Variants in C2orf42 observed in about 807,000 individuals in gnomAD.
C2orf42 encodes uncharacterized protein C2orf42.
A neutral mutation model predicts 58.9 loss-of-function variants in C2orf42; 44 were observed. The ratio of observed to expected loss-of-function variants is 0.75; its 90% CI spans 0.59 to 0.96. The LOEUF (loss-of-function observed/expected upper bound fraction) is 0.96. Ranked by LOEUF, C2orf42 falls within the 40% of genes least tolerant of loss-of-function variation. C2orf42 has a pLI of 0.00. For missense variants in C2orf42, 630 were observed against 699.2 expected, an observed-to-expected ratio of 0.90 and a Z score of 1.12; for synonymous variants, 239 against 265.4, an observed-to-expected ratio of 0.90 and a Z score of 0.97.
At chr2:70,179,494 AAAGAC>A in intron 4 of C2orf42, 33 bp downstream of exon 4, 1 of 778,932 alleles carries the variant, frequency 1.3e-6, no homozygotes, top group Non-Finnish European at 2.2e-6. Context: ...AACAATCTCT[AAAGAC>A]AATACCACCA....
chr2:70,165,523 T>C lies in C2orf42; in HGVS notation c.1252+5A>G, dbSNP rs1673339826. ...CCATCACTATACCAAAGGGAAATCC[T>C]GTACCTGTGGTGGAGTTGGGGAGCC... On this transcript the variant is annotated splice_donor_5th_base_variant and intron_variant, in intron 7 of 9. Transcript: ENST00000264434. 2 of 1,484,406 alleles carry C rather than the reference T, an allele frequency of 1.3e-6. No individual in the cohort carries two copies. The highest frequency in any genetic ancestry group is 1.9e-6 in the Non-Finnish European group (2 of 1,061,786). The allele number at this position is 1,484,406 out of a possible 1,614,324, so 92.0% of individuals were successfully genotyped here.
chr2:70,162,198 A>T (rs1446001390), intron 8 of C2orf42, among the ~76,000 whole-genome samples: 1 of 151,588 alleles, frequency 6.6e-6, no homozygotes, highest in Non-Finnish European at 1.5e-5. Flanking sequence ...TCTAGTAGAG[A>T]CGGGTTTTCA....
chr2:70,157,439 C>T (rs540481501), intron 9 of C2orf42, among the ~76,000 whole-genome samples: 1 of 145,776 alleles, frequency 6.9e-6, no homozygotes, highest in African/African-American at 2.6e-5. Context: ...TGGGCGACAG[C>T]GAGACTCCCG....
chr2:70,168,174 C>T (rs1465430881), intron 6 of C2orf42, among the ~76,000 whole-genome samples: 1 of 151,350 alleles, frequency 6.6e-6, no homozygotes, highest in Non-Finnish European at 1.5e-5. Flanking sequence ...GTGGAGATTA[C>T]AGTGAGCCAA....
intron 1 of C2orf42, among the ~76,000 whole-genome samples, chr2:70,185,993 TAAAA>T (rs746486291): frequency 8.1e-5 from 8 of 99,278 alleles, no homozygotes; most frequent in Admixed American, 1.1e-4. Flanking sequence ...TCCCTAATTG[TAAAA>T]AAAAAAAAAA....
chr2:70,158,508 G>A (rs1672845211), intron 9 of C2orf42, among the ~76,000 whole-genome samples: 1 of 152,074 alleles, frequency 6.6e-6, no homozygotes, highest in African/African-American at 2.4e-5. Flanking sequence ...GAAGTGCAAT[G>A]GCACGATCTC....
intron 5 of C2orf42, among the ~76,000 whole-genome samples, chr2:70,173,337 G>A (rs1673961574): frequency 7.9e-6 from 1 of 126,616 alleles, no homozygotes; most frequent in African/African-American, 3.1e-5. Flanking sequence ...CTAGTAGCAT[G>A]ATCTTGGCTC....
chr2:70,181,670 T>A lies in C2orf42; in HGVS notation c.316A>T (p.Ile106Phe). The A allele has an allele frequency of 6.2e-7, 1 of 1,614,150 alleles. No homozygotes were observed. Among genetic ancestry groups the A allele is most frequent in the Non-Finnish European group, 8.5e-7 (1 of 1,180,032 alleles). Residue 106 changes from isoleucine to phenylalanine, a missense_variant, in exon 3 of 10, where the codon ATC becomes TTC. Transcript: ENST00000264434. ...ETTIQTVDGT[I>F]ITQLSSGRCY... is the part of the protein sequence containing the mutation. The stretch of plus-strand genomic sequence containing the variant: ...CGTCCAGAGCTCAGCTGAGTGATGA[T>A]CGTCCCATCCACTGTCTGGATTGTT...
Position 70,181,812 on chromosome 2 carries a change from C to A in C2orf42, c.174G>T (p.Gln58His). 1 of 1,614,152 alleles carries A rather than the reference C, an allele frequency of 6.2e-7. No individual in the cohort carries two copies. The highest frequency in any genetic ancestry group is 8.5e-7 in the Non-Finnish European group (1 of 1,180,018). The change falls in exon 3 of 10, where the codon CAG (glutamine) becomes CAT (histidine). Residue 58 changes from glutamine (Q) to histidine (H), a missense_variant. Transcript: ENST00000264434. The part of the protein sequence containing the change: ...GTIFRYGARK[Q>H]PSVEAVKIIT... Reference sequence around the variant, plus strand: ...TGATTTTGACAGCTTCAACACTAGGCTGCTTGCGTGCACCGTAGCGGAATA... The same window carrying A: ...TGATTTTGACAGCTTCAACACTAGGATGCTTGCGTGCACCGTAGCGGAATA...
At chr2:70,189,968 C>A (rs1162076431) in intron 1 of C2orf42, among the ~76,000 whole-genome samples, 1 of 151,672 alleles carries the variant, frequency 6.6e-6, no homozygotes, top group African/African-American at 2.4e-5. Flanking sequence ...GAGAGATACA[C>A]ATATGTATCT....
chr2:70,163,951 C>T (rs1434036771), intron 8 of C2orf42, among the ~76,000 whole-genome samples: 1 of 152,002 alleles, frequency 6.6e-6, no homozygotes, highest in Non-Finnish European at 1.5e-5. Flanking sequence ...GGGAGGACTG[C>T]TTGAACCCAG....
chr2:70,183,983 A>T (rs771877636), intron 1 of C2orf42, among the ~76,000 whole-genome samples: 5 of 151,768 alleles, frequency 3.3e-5, no homozygotes, highest in South Asian at 2.1e-4. Context: ...TTTTTAAAAA[A>T]TTTTTTGGTA....
In C2orf42 at chr2:70,181,518, C is replaced by T; in HGVS notation, c.468G>A (p.Leu156=). ...ATPLTLKSSV[L]NAMQASPETK... is the part of the protein sequence containing the mutation. ...TTTCCGGGGAGGCCTGCATTGCATT[C>T]AGGACCGAGCTCTTCAGGGTCAGAG... is the stretch of plus-strand genomic sequence containing the variant. The change falls in exon 3 of 10, where the codon CTG becomes CTA. Residue 156 remains leucine (L), a synonymous_variant. Coordinates refer to ENST00000264434, the MANE Select transcript of C2orf42 (RefSeq NM_017880.3). 6.2e-7 allele frequency: 1 copy of T among 1,613,566 alleles called. No individual in the cohort carries two copies. The highest frequency in any genetic ancestry group is 8.5e-7 in the Non-Finnish European group (1 of 1,180,012).
chr2:70,153,918 C>T (rs1672474497), intron 9 of C2orf42, among the ~76,000 whole-genome samples: 1 of 150,830 alleles, frequency 6.6e-6, no homozygotes, highest in African/African-American at 2.4e-5. Context: ...ATTAGCTGGG[C>T]GTGGTGGCGG....
At chr2:70,189,536 T>G (rs375471587) in intron 1 of C2orf42, among the ~76,000 whole-genome samples, 6 of 141,280 alleles carry the variant, frequency 4.2e-5, no homozygotes, top group East Asian at 2.1e-4. Flanking sequence ...GCTAACACAG[T>G]GAAACCCTGT....
chr2:70,150,588 G>A, intron 9 of C2orf42, 24 bp from the exon 10 acceptor site: 1 of 1,567,998 alleles, frequency 6.4e-7, no homozygotes, highest in Admixed American at 1.7e-5. Context: ...AGGAGTATTA[G>A]TACAATTCCA....
At chr2:70,163,439 G>A (rs903228188) in intron 8 of C2orf42, among the ~76,000 whole-genome samples, 5 of 151,330 alleles carry the variant, frequency 3.3e-5, no homozygotes, top group Middle Eastern at 3.2e-3. Flanking sequence ...TAGAGACGGG[G>A]TTTCACTGTG....
chr2:70,153,675 T>TAA (rs201383627), intron 9 of C2orf42, among the ~76,000 whole-genome samples: 18,054 of 135,170 alleles, frequency 0.13, 1,660 homozygotes, highest in Non-Finnish European at 0.21. Context: ...AACAGGAAAT[T>TAA]AAAAAAAAAA....
At chr2:70,188,130 A>C (rs1675077527) in intron 1 of C2orf42, among the ~76,000 whole-genome samples, 1 of 152,160 alleles carries the variant, frequency 6.6e-6, no homozygotes. Context: ...GTACAACACT[A>C]TTAACTCTAC....
Sources: gnomAD v4.1 joint callset for allele counts (sites outside exome capture counted in the v4.1 genomes callset) on GRCh38, gnomAD v4.1.1 for gene constraint, MANE v1.5 for transcripts, NCBI Gene and HGNC (gene_info 2026-07-23, HGNC 2026-07-21) for gene names.